The following MYOM2 variants were observed in gnomAD, a reference collection of about 807,000 sequenced individuals.
MYOM2 encodes the protein myomesin-2.
MYOM2 carries 254 observed loss-of-function variants against 187.6 expected under a neutral mutation model. The ratio of observed to expected loss-of-function variants is 1.35; its 90% CI spans 1.22 to 1.50. MYOM2 has a LOEUF of 1.50. MYOM2 is among the 40% of genes most tolerant of loss of function. The pLI is 0.00. For missense variants in MYOM2, 2,796 were observed against 1,924.0 expected (o/e 1.45, Z -8.48); for synonymous variants, 981 against 753.8 (o/e 1.30, Z -4.94).
rs760463260 is a variant in MYOM2 at position 2,072,363 on chromosome 8, T to G, written c.812T>G (p.Ile271Ser). 8.1e-6 allele frequency: 13 copies of G among 1,612,886 alleles called. No homozygotes were observed. Among genetic ancestry groups the G allele is most frequent in the African/African-American group, 1.3e-5 (1 of 74,832 alleles). ...TGTGCAGTGCCCCTGTCATCGATGATTCCGTACACGCACTTCGACGTCCAG... is the reference window on the plus strand; with the variant it reads ...TGTGCAGTGCCCCTGTCATCGATGAGTCCGTACACGCACTTCGACGTCCAG... ...LPIGLPLSSM[I>S]PYTHFDVQFL... Residue 271 changes from isoleucine (I) to serine (S), a missense_variant, in exon 9 of 37, where the codon ATT (isoleucine) becomes AGT (serine). By Grantham distance (142) the Ile-to-Ser change is moderately radical (BLOSUM62 -2). Coordinates refer to ENST00000262113, the MANE Select transcript of MYOM2 (RefSeq NM_003970.4).
At chr8:2,143,831 AG>A (rs1418983215) in intron 36 of MYOM2, among the ~76,000 whole-genome samples, 3 of 152,186 alleles carry the variant, frequency 2.0e-5, no homozygotes, top group African/African-American at 7.2e-5. Context: ...GCGTGTGTGA[AG>A]GTGCAAGCCC....
At position 2,079,553 on chromosome 8, in the gene MYOM2, TCCGCAG is replaced by T. The variant is rs1420553300; in HGVS notation, c.1463-3_1465del. The T allele has an allele frequency of 6.2e-7, 1 of 1,613,976 alleles. No homozygotes were observed. Among genetic ancestry groups the T allele is most frequent in the East Asian group, 2.2e-5 (1 of 44,870 alleles). On this transcript the variant is annotated splice_acceptor_variant and splice_polypyrimidine_tract_variant and intron_variant, in intron 12 of 36. Transcript: ENST00000262113. LOFTEE classifies it high-confidence loss of function. ...GTCAAATCGAGTGTCAACCTTTCTC[TCCGCAG>T]CCGTTCATTTGGAGGGAGAGAAGGA...
Position 2,059,204 on chromosome 8 carries a change from G to C in MYOM2, c.612G>C (p.Arg204Ser), listed in dbSNP as rs1818771969. The change falls in exon 6 of 37, where the codon AGG becomes AGC. Residue 204 changes from arginine (R) to serine (S), a missense_variant. Coordinates refer to ENST00000262113, the MANE Select transcript of MYOM2 (RefSeq NM_003970.4). ...ICQAAEPGKYRIESNYGVHTL... is the reference protein window; with the variant it reads ...ICQAAEPGKYSIESNYGVHTL... Reference sequence around the variant, plus strand: ...AGGCGGCTGAACCGGGAAAGTACAGGATTGAGAGCAACTATGGCGTACACA... The same window carrying C: ...AGGCGGCTGAACCGGGAAAGTACAGCATTGAGAGCAACTATGGCGTACACA... 6.2e-7 allele frequency: 1 copy of C among 1,614,104 alleles called. No individual in the cohort carries two copies. Among genetic ancestry groups the C allele is most frequent in the Non-Finnish European group, 8.5e-7 (1 of 1,180,048 alleles).
intron 3 of MYOM2, among the ~76,000 whole-genome samples, chr8:2,055,924 G>A (rs1183218362): frequency 1.3e-5 from 2 of 152,104 alleles, no homozygotes; most frequent in African/African-American, 4.8e-5. Context: ...CGTGCACAGT[G>A]CCACAGGCGG....
In MYOM2 at chr8:2,117,869, CT is replaced by C. The variant is rs763556950; in HGVS notation, c.3386-10del. 3.1e-6 allele frequency: 5 copies of C among 1,588,868 alleles called. No homozygotes were observed. The East Asian group carries it at 9.0e-5, about 29-fold the overall frequency. On this transcript the variant is annotated splice_polypyrimidine_tract_variant and intron_variant, in intron 27 of 36. Coordinates refer to ENST00000262113, the MANE Select transcript of MYOM2 (RefSeq NM_003970.4). The stretch of plus-strand genomic sequence containing the variant: ...TTTCCTTTTTTATATGTTTTCTTCC[CT>C]TTTTTCCTCCCTAGGCCCTCATTTT...
In MYOM2 at chr8:2,078,764, G is replaced by A; in HGVS notation, c.1293G>A (p.Gln431=). ...RCEVGTNNWV[Q]CNDAPVKICK... ...AAGTAGGAACGAATAATTGGGTGCA[G>A]TGCAATGATGCACCGGTGAAAATCT... is the stretch of plus-strand genomic sequence containing the variant. The change falls in exon 12 of 37, where the codon CAG becomes CAA. Residue 431 remains glutamine, a synonymous_variant. Transcript: ENST00000262113. The A allele has an allele frequency of 6.2e-7, 1 of 1,614,178 alleles. No individual in the cohort carries two copies. Among genetic ancestry groups the A allele is most frequent in the Non-Finnish European group, 8.5e-7 (1 of 1,180,026 alleles).
rs1014554921 is a variant in MYOM2 at position 2,118,453 on chromosome 8, G to T, written c.3453+501G>T. On this transcript the variant is annotated intron_variant, in intron 28 of 36. Coordinates refer to ENST00000262113, the MANE Select transcript of MYOM2 (RefSeq NM_003970.4). ...CTATTTGACTGTCTCAGGATGAGGG[G>T]ATGGGGGAAAAAGATCAATAATGCA... Among the ~76,000 whole-genome samples the T allele has an allele frequency of 4.6e-5, 7 of 152,292 alleles. No individual in the cohort carries two copies. In the Middle Eastern group the frequency reaches 0.01, roughly 222 times the overall value.
At chr8:2,123,854 A>G (rs1050459113) in intron 30 of MYOM2, among the ~76,000 whole-genome samples, 2 of 152,244 alleles carry the variant, frequency 1.3e-5, no homozygotes, top group African/African-American at 2.4e-5. Context: ...CTGGGTTTAT[A>G]TGAAACGTCA....
chr8:2,066,928 G>C lies in MYOM2; in HGVS notation c.654-2350G>C, dbSNP rs1021325988. Among the ~76,000 whole-genome samples, 4 of 152,166 alleles carry C rather than the reference G, an allele frequency of 2.6e-5. No individual in the cohort carries two copies. The South Asian group carries it at 6.2e-4, about 24-fold the overall frequency. The stretch of plus-strand genomic sequence containing the variant: ...AGCTTTGCTGATGGCTTTGTAGTTC[G>C]GCTTGTATTCCTCCACGGTGAACTA... On this transcript the variant is annotated intron_variant, in intron 6 of 36. Transcript: ENST00000262113.
intron 32 of MYOM2, among the ~76,000 whole-genome samples, chr8:2,137,074 C>T (rs924315156): frequency 1.3e-5 from 2 of 151,668 alleles, no homozygotes; most frequent in African/African-American, 2.4e-5. Flanking sequence ...CTCTTTCTCA[C>T]ACACACACAT....
intron 18 of MYOM2, among the ~76,000 whole-genome samples, chr8:2,098,538 G>A (rs951841623): frequency 3.3e-5 from 5 of 152,144 alleles, no homozygotes; most frequent in African/African-American, 9.7e-5. Context: ...CTGGGCAACC[G>A]TCGCCTCTCT....
intron 23 of MYOM2, 144 bp downstream of exon 23, chr8:2,106,741 A>C: frequency 5.0e-6 from 3 of 603,042 alleles, no homozygotes; most frequent in South Asian, 4.7e-5. Context: ...ATATAAGCCA[A>C]AACTTGCTTT....
intron 32 of MYOM2, among the ~76,000 whole-genome samples, chr8:2,133,811 C>T (rs1797959349): frequency 6.6e-6 from 1 of 152,194 alleles, no homozygotes; most frequent in African/African-American, 2.4e-5. Flanking sequence ...ACTTGTGTTA[C>T]TTCCAGCCAT....
chr8:2,048,591 A>C (rs1274469490), intron 1 of MYOM2, among the ~76,000 whole-genome samples: 1 of 152,150 alleles, frequency 6.6e-6, no homozygotes, highest in Non-Finnish European at 1.5e-5. Flanking sequence ...ATGCAGATTC[A>C]ATATGGAACG....
At chr8:2,103,241 T>C (rs1796773664) in intron 21 of MYOM2, among the ~76,000 whole-genome samples, 1 of 148,078 alleles carries the variant, frequency 6.8e-6, no homozygotes, top group South Asian at 2.1e-4. Context: ...TATGTGTATA[T>C]GGATAAATGA....
chr8:2,102,904 G>A lies in MYOM2; in HGVS notation c.2734+123G>A, dbSNP rs533773320. 108 of 735,234 alleles carry A rather than the reference G, an allele frequency of 1.5e-4. 1 individual carries two copies. Among genetic ancestry groups the A allele is most frequent in the Admixed American group, 9.9e-4 (45 of 45,580 alleles). 45.5% of individuals were successfully genotyped at this position (735,234 alleles called of 1,614,324 possible). Reference sequence around the variant, plus strand: ...GGGAGAGTGAACACGTGTTATGTGTGTATGTGTGGATGGGTCTGTAGATAA... The same window carrying A: ...GGGAGAGTGAACACGTGTTATGTGTATATGTGTGGATGGGTCTGTAGATAA... On this transcript the variant is annotated intron_variant, in intron 21 of 36. Coordinates refer to ENST00000262113, the MANE Select transcript of MYOM2 (RefSeq NM_003970.4).
Position 2,124,219 on chromosome 8 carries a change from T to A in MYOM2, c.3694+2T>A, listed in dbSNP as rs1416437240. 1.9e-6 allele frequency: 3 copies of A among 1,611,586 alleles called. No homozygotes were observed. In the South Asian group the frequency reaches 3.3e-5, roughly 18 times the overall value. On this transcript the variant is annotated splice_donor_variant, in intron 31 of 36. Coordinates refer to ENST00000262113, the MANE Select transcript of MYOM2 (RefSeq NM_003970.4). LOFTEE classifies it high-confidence loss of function. Reference sequence around the variant, plus strand: ...TTTTGGCAATGAGTAGAGTCTGTGGTAAGTAAATGCCTTTTAATTTTCAAG... The same window carrying A: ...TTTTGGCAATGAGTAGAGTCTGTGGAAAGTAAATGCCTTTTAATTTTCAAG...
intron 10 of MYOM2, among the ~76,000 whole-genome samples, chr8:2,074,271 T>C (rs985301774): frequency 3.3e-5 from 5 of 152,138 alleles, no homozygotes; most frequent in African/African-American, 1.2e-4. Flanking sequence ...CAAAAGGAAA[T>C]ACTGTTCTCA....
At chr8:2,132,595 C>T (rs1353594085) in intron 32 of MYOM2, among the ~76,000 whole-genome samples, 1 of 114,870 alleles carries the variant, frequency 8.7e-6, no homozygotes. Flanking sequence ...CTCTCTCTCT[C>T]TCTTTTTTTG....
Sources: allele counts gnomAD v4.1 joint callset (sites outside exome capture counted in the v4.1 genomes callset), GRCh38; gene constraint gnomAD v4.1.1; transcripts MANE v1.5; gene names NCBI Gene and HGNC (gene_info 2026-07-23, HGNC 2026-07-21).